PVALEF: variants seen among roughly 807,000 people sequenced by gnomAD.
The protein encoded by PVALEF is parvalbumin like EF-hand containing, also known as parvalbumin-like EF-hand-containing protein.
Under a neutral mutation model 1.2 loss-of-function variants are expected in PVALEF, and 2 were observed. The observed-to-expected ratio is 1.68, with a 90% confidence interval of 0.69 to 5.28. The LOEUF (loss-of-function observed/expected upper bound fraction) is 5.28. Among genes scored for constraint, PVALEF ranks in the 30% most tolerant of loss-of-function variants. The pLI is 0.06. For synonymous variants in PVALEF, 16 were observed against 6.5 expected (o/e 2.47, Z -2.24); for missense variants, 35 against 17.7 (o/e 1.97, Z -1.75).
At chr17:81,165,868 G>C in intron 1 of PVALEF, 121 bp downstream of exon 1, 16 of 1,535,918 alleles carry the variant, frequency 1.0e-5, no homozygotes, top group Non-Finnish European at 1.4e-5. Context: ...CGGGAGCCGT[G>C]GGGCCCAGGG....
At chr17:81,169,932 GTC>G (rs1187079708) in intron 2 of PVALEF, among the ~76,000 whole-genome samples, 7 of 151,798 alleles carry the variant, frequency 4.6e-5, no homozygotes, top group African/African-American at 7.3e-5. Context: ...GTGCATGTGT[GTC>G]TGCATATGTG....
intron 3 of PVALEF, among the ~76,000 whole-genome samples, chr17:81,180,837 C>G (rs2061551122): frequency 6.6e-6 from 1 of 152,156 alleles, no homozygotes; most frequent in South Asian, 2.1e-4. Context: ...CTCTACCACC[C>G]TGTGAACTTT....
chr17:81,181,888 T>TG (rs923368188), intron 5 of PVALEF, 78 bp from the exon 6 acceptor site: 1 of 398,110 alleles, frequency 2.5e-6, no homozygotes, highest in South Asian at 1.3e-4. Context: ...GCCTACAAGG[T>TG]GGGGGGCGAA....
At chr17:81,168,870 G>C (rs2061508412) in intron 2 of PVALEF, among the ~76,000 whole-genome samples, 1 of 152,212 alleles carries the variant, frequency 6.6e-6, no homozygotes, top group Non-Finnish European at 1.5e-5. Flanking sequence ...CAAAAACTCA[G>C]CAGTTATGCC....
In PVALEF at chr17:81,178,916, A is replaced by T. The variant is rs181832565; in HGVS notation, c.-339-2A>T. ...CTCTCTTCCTCCCTAACCCCGCCCC[A>T]GGTTTGGGGAGGCCAGGCACTGCTA... On this transcript the variant is annotated splice_acceptor_variant, in intron 2 of 6. Transcript: ENST00000637878. LOFTEE classifies it low-confidence loss of function (5UTR_SPLICE). 3 of 218,508 alleles carry T rather than the reference A, an allele frequency of 1.4e-5. No homozygotes were observed. The East Asian group carries it at 4.9e-4, about 35-fold the overall frequency. 13.5% of individuals were successfully genotyped at this position (218,508 alleles called of 1,614,324 possible). A position where few individuals can be genotyped will look rare whatever the true frequency, so the allele number is the denominator to read the frequency against.
intron 5 of PVALEF, 74 bp from the exon 6 acceptor site, chr17:81,181,892 G>A (rs1416900951): frequency 2.5e-6 from 1 of 398,166 alleles, no homozygotes; most frequent in African/African-American, 2.1e-5. Context: ...ACAAGGTGGG[G>A]GGCGAACGGC....
At chr17:81,173,860 C>T (rs1041865131) in intron 2 of PVALEF, among the ~76,000 whole-genome samples, 1 of 152,192 alleles carries the variant, frequency 6.6e-6, no homozygotes, top group African/African-American at 2.4e-5. Context: ...AAGAAAAGTA[C>T]AGGCCAATAT....
At chr17:81,169,069 A>T (rs1258482670) in intron 2 of PVALEF, among the ~76,000 whole-genome samples, 4 of 152,330 alleles carry the variant, frequency 2.6e-5, no homozygotes, top group African/African-American at 9.6e-5. Flanking sequence ...ACTTGTATGA[A>T]ATGTCTGGAA....
chr17:81,165,770 T>C (rs1311337524), intron 1 of PVALEF, 23 bp downstream of exon 1: 2 of 1,510,954 alleles, frequency 1.3e-6, no homozygotes, highest in Middle Eastern at 1.8e-4. Flanking sequence ...GCCCAGGGCC[T>C]GCCCCTCCGA....
At chr17:81,173,498 G>T (rs1274099636) in intron 2 of PVALEF, among the ~76,000 whole-genome samples, 1 of 152,160 alleles carries the variant, frequency 6.6e-6, no homozygotes, top group Non-Finnish European at 1.5e-5. Flanking sequence ...CGACTATGTG[G>T]CTTGCCCAAG....
intron 6 of PVALEF, among the ~76,000 whole-genome samples, chr17:81,182,729 C>T (rs1794086954): frequency 6.6e-6 from 1 of 152,248 alleles, no homozygotes; most frequent in Non-Finnish European, 1.5e-5. Flanking sequence ...CAGTCCCCAG[C>T]TGGGGTCAAC....
intron 2 of PVALEF, among the ~76,000 whole-genome samples, chr17:81,173,165 G>A (rs2061526305): frequency 6.6e-6 from 1 of 152,132 alleles, no homozygotes; most frequent in African/African-American, 2.4e-5. Context: ...AGAGGTGCTC[G>A]CAGAAGCCAC....
rs376111379 is a variant in PVALEF, at chr17:81,181,149, C to T, written c.-78C>T. 1,867 of 694,282 alleles carry T rather than the reference C, an allele frequency of 2.7e-3. 7 individuals carry two copies. Among genetic ancestry groups the T allele is most frequent in the Non-Finnish European group, 3.8e-3 (1,451 of 380,514 alleles). 43.0% of individuals were successfully genotyped at this position (694,282 alleles called of 1,614,324 possible). A position where few individuals can be genotyped will look rare whatever the true frequency, so the allele number is the denominator to read the frequency against. ...AGGATCCAGCACCACGCGGCGTCTA[C>T]GTCTGCTCTGGCCCAAGCAGCACCC... On this transcript the variant is annotated 5_prime_UTR_variant, in exon 4 of 7. In the 5' UTR this introduces an upstream ATG that the reference lacks. Transcript: ENST00000637878.
At chr17:81,173,273 G>A (rs966456101) in intron 2 of PVALEF, among the ~76,000 whole-genome samples, 5 of 152,160 alleles carry the variant, frequency 3.3e-5, no homozygotes, top group African/African-American at 7.2e-5. Flanking sequence ...AGTGACCCAT[G>A]GACAGACAGC....
chr17:81,166,660 C>T lies in PVALEF; in HGVS notation c.-507-17C>T, dbSNP rs2061495685. ...AGGGCGGGTCTTGGTGCTCAGGGGC[C>T]CTCGCCTCACTTGCAGGTTTCGAGG... On this transcript the variant is annotated splice_polypyrimidine_tract_variant and intron_variant, in intron 1 of 6. Transcript: ENST00000637878. 4.4e-6 allele frequency: 2 copies of T among 452,464 alleles called. No homozygotes were observed. The highest frequency in any genetic ancestry group is 2.0e-5 in the African/African-American group (1 of 49,566). The allele number at this position is 452,464 out of a possible 1,614,324, so 28.0% of individuals were successfully genotyped here. A position where few individuals can be genotyped will look rare whatever the true frequency, so the allele number is the denominator to read the frequency against.
At chr17:81,174,211 G>A (rs185128866) in intron 2 of PVALEF, among the ~76,000 whole-genome samples, 5 of 152,326 alleles carry the variant, frequency 3.3e-5, no homozygotes, top group Admixed American at 2.6e-4. Flanking sequence ...GTGAAAGGCT[G>A]AAAACTTTTC....
At chr17:81,165,925 G>A (rs112644226) in intron 1 of PVALEF, 178 bp downstream of exon 1, 18 of 1,574,724 alleles carry the variant, frequency 1.1e-5, no homozygotes, top group Admixed American at 5.5e-5. Context: ...AGGCCGGGCC[G>A]CCAGGGACTC....
chr17:81,177,898 G>C (rs1002041901), intron 2 of PVALEF, among the ~76,000 whole-genome samples: 1 of 152,220 alleles, frequency 6.6e-6, no homozygotes, highest in African/African-American at 2.4e-5. Flanking sequence ...TGGGGCCAGG[G>C]AGGGCTCAGC....
rs1281504864 is a variant in PVALEF at position 81,181,713 on chromosome 17, G to A, written c.242+19G>A. 1.0e-5 allele frequency: 4 copies of A among 399,910 alleles called. No homozygotes were observed. Among genetic ancestry groups the A allele is most frequent in the Non-Finnish European group, 1.8e-5 (4 of 227,088 alleles). The allele number at this position is 399,910 out of a possible 1,614,324, so 24.8% of individuals were successfully genotyped here. A position where few individuals can be genotyped will look rare whatever the true frequency, so the allele number is the denominator to read the frequency against. On this transcript the variant is annotated intron_variant, in intron 5 of 6. Transcript: ENST00000637878. ...AGATCAAGTAATGGCTGGCGGCCACGGAGGGGTGGGGCCCAGGCCACCCAG... is the reference window on the plus strand; with the variant it reads ...AGATCAAGTAATGGCTGGCGGCCACAGAGGGGTGGGGCCCAGGCCACCCAG...
Sources: allele counts gnomAD v4.1 joint callset (sites outside exome capture counted in the v4.1 genomes callset), GRCh38; gene constraint gnomAD v4.1.1; transcripts MANE v1.5; gene names NCBI Gene and HGNC (gene_info 2026-07-23, HGNC 2026-07-21).